Variants in NRG3 observed in about 807,000 individuals in gnomAD.
The protein encoded by NRG3 is pro-neuregulin-3, membrane-bound isoform.
NRG3 carries 31 observed loss-of-function variants against 66.9 expected under a neutral mutation model. The observed-to-expected ratio is 0.46, with a 90% CI of 0.35 to 0.63. The LOEUF is 0.63. Ranked by LOEUF, NRG3 falls within the 20% of genes least tolerant of loss-of-function variation. The pLI, the probability that NRG3 is intolerant of heterozygous loss-of-function variation, is 0.00. For missense variants in NRG3, 910 were observed against 878.9 expected, an observed-to-expected ratio of 1.04 and a Z score of -0.45; for synonymous variants, 393 against 359.4, an observed-to-expected ratio of 1.09 and a Z score of -1.06.
At chr10:82,688,932 GGAGA>G (rs2054714414) in intron 2 of NRG3, among the ~76,000 whole-genome samples, 3 of 152,040 alleles carry the variant, frequency 2.0e-5, no homozygotes, top group South Asian at 2.1e-4. Flanking sequence ...ACAGATAGAT[GGAGA>G]GAAAGAACTT....
At position 81,975,076 on chromosome 10, in the gene NRG3, A is replaced by G. The variant is rs868845657; in HGVS notation, c.823+98913A>G. Among the ~76,000 whole-genome samples, 4 of 152,164 alleles carry G rather than the reference A, an allele frequency of 2.6e-5. No homozygotes were observed. In the Middle Eastern group the frequency reaches 0.01, roughly 388 times the overall value. The stretch of plus-strand genomic sequence containing the variant: ...GTCTTGTGGACATATAGCTCTACAC[A>G]CAGCAATGAAGAACACTGGAAAGGC... On this transcript the variant is annotated intron_variant, in intron 1 of 8. Coordinates refer to ENST00000372141, the MANE Select transcript of NRG3 (RefSeq NM_001010848.4).
chr10:82,283,292 C>A (rs1337502421), intron 1 of NRG3, among the ~76,000 whole-genome samples: 1 of 152,122 alleles, frequency 6.6e-6, no homozygotes, highest in African/African-American at 2.4e-5. Context: ...AGGAGTACAT[C>A]CGTGGCTTCT....
At chr10:82,648,288 C>T (rs1440816849) in intron 2 of NRG3, among the ~76,000 whole-genome samples, 1 of 151,850 alleles carries the variant, frequency 6.6e-6, no homozygotes, top group East Asian at 1.9e-4. Context: ...TTGTTTTTGT[C>T]AGGTTTGTCA....
intron 1 of NRG3, among the ~76,000 whole-genome samples, chr10:82,052,424 G>T (rs2063645815): frequency 6.6e-6 from 1 of 152,082 alleles, no homozygotes; most frequent in African/African-American, 2.4e-5. Flanking sequence ...GAACTGCACT[G>T]GTCACCAGAG....
chr10:82,644,730 G>A (rs2050818878), intron 2 of NRG3, among the ~76,000 whole-genome samples: 1 of 152,074 alleles, frequency 6.6e-6, no homozygotes. Flanking sequence ...GGATGATTTT[G>A]CATTGCTTTT....
intron 2 of NRG3, among the ~76,000 whole-genome samples, chr10:82,585,011 TG>T (rs1162419775): frequency 2.9e-4 from 8 of 27,210 alleles, no homozygotes; most frequent in Middle Eastern, 0.023. Flanking sequence ...TTGTCTTTTT[TG>T]GGGGGGGAAC....
intron 4 of NRG3, among the ~76,000 whole-genome samples, chr10:82,908,567 C>T (rs867105496): frequency 3.9e-5 from 6 of 152,114 alleles, no homozygotes; most frequent in African/African-American, 9.7e-5. Flanking sequence ...TGAAATAAAA[C>T]GGCAATCAGT....
At chr10:82,933,339 G>A (rs914717129) in intron 4 of NRG3, among the ~76,000 whole-genome samples, 4 of 152,234 alleles carry the variant, frequency 2.6e-5, no homozygotes, top group Non-Finnish European at 4.4e-5. Flanking sequence ...GTCACAAGTA[G>A]AAAGAAGTAT....
At chr10:82,188,779 G>A (rs1185152570) in intron 1 of NRG3, among the ~76,000 whole-genome samples, 1 of 152,108 alleles carries the variant, frequency 6.6e-6, no homozygotes, top group Non-Finnish European at 1.5e-5. Context: ...CAGAGGCTGG[G>A]AAGGGTAGCG....
chr10:82,249,986 A>C (rs2077410233), intron 1 of NRG3, among the ~76,000 whole-genome samples: 1 of 152,168 alleles, frequency 6.6e-6, no homozygotes, highest in Admixed American at 6.5e-5. Context: ...CGATGGTAGA[A>C]ATGGTCTCAG....
intron 1 of NRG3, 148 bp downstream of exon 1, chr10:81,876,311 A>T: frequency 8.4e-7 from 1 of 1,197,170 alleles, no homozygotes; most frequent in Non-Finnish European, 1.1e-6. Flanking sequence ...AAAACTGGCC[A>T]CCAGCGGGGA....
intron 1 of NRG3, among the ~76,000 whole-genome samples, chr10:82,059,248 A>C (rs1462952427): frequency 6.6e-6 from 1 of 152,172 alleles, no homozygotes; most frequent in East Asian, 1.9e-4. Flanking sequence ...CACTTTTTAT[A>C]CTGGATAGAA....
intron 1 of NRG3, among the ~76,000 whole-genome samples, chr10:82,174,317 T>G (rs2072866934): frequency 6.6e-6 from 1 of 152,080 alleles, no homozygotes; most frequent in Admixed American, 6.6e-5. Flanking sequence ...TACCTTTATC[T>G]CCCTTCATAC....
chr10:82,406,298 G>C (rs761017455), intron 2 of NRG3, among the ~76,000 whole-genome samples: 22 of 152,222 alleles, frequency 1.4e-4, no homozygotes, highest in Admixed American at 6.5e-5. Context: ...ATTAATCATA[G>C]AACTTATGGG....
chr10:82,511,370 C>T (rs1845151135), intron 2 of NRG3, among the ~76,000 whole-genome samples: 1 of 152,212 alleles, frequency 6.6e-6, no homozygotes, highest in East Asian at 1.9e-4. Flanking sequence ...CACTTAAAAT[C>T]AATGACCTAT....
At chr10:82,067,308 T>C (rs1435949380) in intron 1 of NRG3, among the ~76,000 whole-genome samples, 1 of 152,202 alleles carries the variant, frequency 6.6e-6, no homozygotes, top group Non-Finnish European at 1.5e-5. Flanking sequence ...TTAATTATTG[T>C]AAAGAAATTT....
At chr10:82,718,006 T>A (rs910225709) in intron 2 of NRG3, among the ~76,000 whole-genome samples, 2 of 152,162 alleles carry the variant, frequency 1.3e-5, no homozygotes, top group Non-Finnish European at 2.9e-5. Context: ...AAAAGGAGAC[T>A]GACTCCAGTT....
chr10:82,892,967 T>TAAC (rs1383785758), intron 4 of NRG3, among the ~76,000 whole-genome samples: 11 of 152,214 alleles, frequency 7.2e-5, no homozygotes, highest in African/African-American at 2.4e-4. Flanking sequence ...TATATTCCTG[T>TAAC]AACTATGAAA....
intron 2 of NRG3, among the ~76,000 whole-genome samples, chr10:82,595,710 G>T (rs374773652): frequency 6.6e-6 from 1 of 151,996 alleles, no homozygotes; most frequent in East Asian, 1.9e-4. Flanking sequence ...GCTTGAACCC[G>T]GGAGGCAGAG....
Sources: allele counts gnomAD v4.1 joint callset (sites outside exome capture counted in the v4.1 genomes callset), GRCh38; gene constraint gnomAD v4.1.1; transcripts MANE v1.5; gene names NCBI Gene and HGNC (gene_info 2026-07-23, HGNC 2026-07-21).